The following KALRN variants were observed in gnomAD, a reference collection of about 807,000 sequenced individuals.
KALRN encodes kalirin RhoGEF kinase, also known as kalirin.
A neutral mutation model predicts 353.7 loss-of-function variants in KALRN; 70 were observed. The ratio of observed to expected loss-of-function variants is 0.20; its 90% confidence interval spans 0.16 to 0.24. The LOEUF is 0.24. Among genes scored for constraint, KALRN ranks in the 10% least tolerant of loss-of-function variants. The probability of loss-of-function intolerance (pLI) is 1.00; values close to 1 mark genes in which losing one functional copy is unlikely to be tolerated. For missense variants in KALRN, 2,791 were observed against 3,756.7 expected (o/e 0.74, Z 6.72); for synonymous variants, 1,391 against 1,434.8 (o/e 0.97, Z 0.69).
intron 34 of KALRN, among the ~76,000 whole-genome samples, chr3:124,601,867 GA>G (rs57773103): frequency 0.44 from 66,116 of 149,886 alleles, 15,171 homozygotes; most frequent in East Asian, 0.83. Context: ...CCATCTCTAG[GA>G]AAAAAAAAAT....
At chr3:124,655,949 C>G (rs1008782997) in intron 39 of KALRN, among the ~76,000 whole-genome samples, 3 of 152,160 alleles carry the variant, frequency 2.0e-5, no homozygotes, top group Non-Finnish European at 4.4e-5. Flanking sequence ...GGTGACCAAG[C>G]TATTGTCTTA....
At chr3:124,159,269 G>A (rs7631665) in intron 1 of KALRN, among the ~76,000 whole-genome samples, 10,831 of 151,898 alleles carry the variant, frequency 0.071, 1,279 homozygotes, top group African/African-American at 0.24. Context: ...TCTTTCTTTC[G>A]TTTTTGTTTG....
At chr3:124,603,225 C>A (rs2076991023) in intron 34 of KALRN, among the ~76,000 whole-genome samples, 1 of 152,154 alleles carries the variant, frequency 6.6e-6, no homozygotes, top group African/African-American at 2.4e-5. Flanking sequence ...CTGTGATTAT[C>A]TTTAACCACA....
At chr3:124,122,067 A>G (rs769664151) in intron 1 of KALRN, among the ~76,000 whole-genome samples, 4 of 152,176 alleles carry the variant, frequency 2.6e-5, no homozygotes, top group South Asian at 2.1e-4. Flanking sequence ...GCACTTGCCA[A>G]ATGGTGAGAT....
chr3:124,437,123 G>A lies in KALRN; in HGVS notation c.3049-1765G>A, dbSNP rs1576923458. On this transcript the variant is annotated intron_variant, in intron 17 of 59. Coordinates refer to ENST00000682506, the MANE Select transcript of KALRN (RefSeq NM_001388419.1). ...AGATTGGTGACAGATCTTCTCATGTGATGCTAGAGATGGGACTAGGGAAGT... is the reference window on the plus strand; with the variant it reads ...AGATTGGTGACAGATCTTCTCATGTAATGCTAGAGATGGGACTAGGGAAGT... Among the ~76,000 whole-genome samples the A allele has an allele frequency of 2.0e-5, 3 of 151,274 alleles. No individual in the cohort carries two copies. In the South Asian group the frequency reaches 6.3e-4, roughly 32 times the overall value.
At chr3:124,063,967 C>T (rs1295324290) in intron 1 of KALRN, among the ~76,000 whole-genome samples, 2 of 152,142 alleles carry the variant, frequency 1.3e-5, no homozygotes, top group Non-Finnish European at 1.5e-5. Context: ...TTTAAGTAAA[C>T]AAATACACAC....
intron 10 of KALRN, among the ~76,000 whole-genome samples, chr3:124,378,684 GTTT>G (rs56153041): frequency 6.6e-6 from 1 of 151,724 alleles, no homozygotes; most frequent in African/African-American, 2.4e-5. Context: ...CCCAGGTTTT[GTTT>G]TTTTTTTTAT....
intron 9 of KALRN, among the ~76,000 whole-genome samples, chr3:124,339,876 C>T (rs546570953): frequency 1.3e-5 from 2 of 152,276 alleles, no homozygotes; most frequent in South Asian, 4.1e-4. Context: ...GCTGAATAAC[C>T]TATTTCAAAT....
intron 34 of KALRN, among the ~76,000 whole-genome samples, chr3:124,594,820 A>C (rs2076125887): frequency 6.6e-6 from 1 of 152,264 alleles, no homozygotes; most frequent in African/African-American, 2.4e-5. Context: ...CTGGAGCCTC[A>C]GGATTTACCC....
At chr3:124,082,826 A>G (rs2060614644) in intron 1 of KALRN, among the ~76,000 whole-genome samples, 1 of 152,214 alleles carries the variant, frequency 6.6e-6, no homozygotes, top group Non-Finnish European at 1.5e-5. Flanking sequence ...AGAAGAGTCC[A>G]CCTTTTATTT....
intron 1 of KALRN, among the ~76,000 whole-genome samples, chr3:124,115,673 G>C (rs1450599185): frequency 2.0e-5 from 3 of 152,108 alleles, no homozygotes; most frequent in Non-Finnish European, 2.9e-5. Context: ...GCTTCACCCT[G>C]GTACTTCTGA....
At chr3:124,608,388 T>C (rs1469266783) in intron 34 of KALRN, among the ~76,000 whole-genome samples, 2 of 152,110 alleles carry the variant, frequency 1.3e-5, no homozygotes, top group Non-Finnish European at 2.9e-5. Context: ...GATAGTAAAT[T>C]TTTCAAGGGC....
chr3:124,617,697 G>T (rs1478558222), intron 34 of KALRN, among the ~76,000 whole-genome samples: 2 of 152,134 alleles, frequency 1.3e-5, no homozygotes, highest in African/African-American at 4.8e-5. Flanking sequence ...CACCCCAATA[G>T]TTCCTGATCC....
Position 124,661,839 on chromosome 3 carries a change from T to C in KALRN, c.6268-12T>C, listed in dbSNP as rs536770343. 6.2e-7 allele frequency: 1 copy of C among 1,612,152 alleles called. No homozygotes were observed. The highest frequency in any genetic ancestry group is 1.1e-5 in the South Asian group (1 of 91,034). ...GTTCCCCCTCCTGAGTAACAGTTGT[T>C]CTTTCCCACAGAAAGCAGTGGAGTT... On this transcript the variant is annotated splice_polypyrimidine_tract_variant and intron_variant, in intron 44 of 59. Coordinates refer to ENST00000682506, the MANE Select transcript of KALRN (RefSeq NM_001388419.1).
At chr3:124,180,786 G>A (rs569555207) in intron 1 of KALRN, among the ~76,000 whole-genome samples, 4 of 152,056 alleles carry the variant, frequency 2.6e-5, no homozygotes, top group East Asian at 1.9e-4. Flanking sequence ...TCCTTCCTCC[G>A]AGTTCTCCAT....
At chr3:124,377,646 C>A (rs566249184) in intron 10 of KALRN, among the ~76,000 whole-genome samples, 6 of 152,238 alleles carry the variant, frequency 3.9e-5, no homozygotes, top group African/African-American at 1.2e-4. Flanking sequence ...GGCATAGAAT[C>A]TCTGACTATA....
chr3:124,632,479 C>A lies in KALRN; in HGVS notation c.5242C>A (p.Gln1748Lys). 6.2e-7 allele frequency: 1 copy of A among 1,614,142 alleles called. No individual in the cohort carries two copies. Among genetic ancestry groups the A allele is most frequent in the Non-Finnish European group, 8.5e-7 (1 of 1,179,990 alleles). ...GGKSESVANL[Q>K]AQPSLNSIHS... ...CAAGTCCGAGTCCGTGGCCAACCTG[C>A]AGGCCCAGCCCTCCCTGAACTCCAT... The change falls in exon 35 of 60, where the codon CAG becomes AAG. Residue 1748 changes from glutamine to lysine, a missense_variant. Physicochemically the swap from Gln to Lys is moderately conservative, Grantham distance 53. Transcript: ENST00000682506.
At chr3:124,222,011 C>T (rs2077972501) in intron 1 of KALRN, among the ~76,000 whole-genome samples, 1 of 152,118 alleles carries the variant, frequency 6.6e-6, no homozygotes, top group South Asian at 2.1e-4. Flanking sequence ...GGCTTTGTAC[C>T]TGTGAGTGGG....
At chr3:124,212,765 T>TGCTA (rs1375160521) in intron 1 of KALRN, among the ~76,000 whole-genome samples, 1 of 152,178 alleles carries the variant, frequency 6.6e-6, no homozygotes, top group Non-Finnish European at 1.5e-5. Flanking sequence ...TGCTGAACCT[T>TGCTA]GCTAGCATTG....
Sources: allele counts gnomAD v4.1 joint callset (sites outside exome capture counted in the v4.1 genomes callset), GRCh38; gene constraint gnomAD v4.1.1; transcripts MANE v1.5; gene names NCBI Gene and HGNC (gene_info 2026-07-23, HGNC 2026-07-21).